CADPS2: variants seen among roughly 807,000 people sequenced by gnomAD.
CADPS2 encodes the protein calcium dependent secretion activator 2.
Under a neutral mutation model 172.5 loss-of-function variants are expected in CADPS2, and 93 were observed. That is an observed-to-expected ratio of 0.54 (90% CI 0.46 to 0.64). The LOEUF is 0.64. Among genes scored for constraint, CADPS2 ranks in the 30% least tolerant of loss-of-function variants. The probability of loss-of-function intolerance (pLI) is 0.00; values close to 1 mark genes in which losing one functional copy is unlikely to be tolerated. For missense variants in CADPS2, 1,420 were observed against 1,565.9 expected, an observed-to-expected ratio of 0.91 and a Z score of 1.57; for synonymous variants, 546 against 555.2, an observed-to-expected ratio of 0.98 and a Z score of 0.23.
chr7:122,856,885 A>G (rs1563186558), intron 1 of CADPS2, among the ~76,000 whole-genome samples: 2 of 152,236 alleles, frequency 1.3e-5, no homozygotes, highest in Non-Finnish European at 2.9e-5. Context: ...TATTCTTAGT[A>G]CTATATATAT....
intron 20 of CADPS2, among the ~76,000 whole-genome samples, chr7:122,399,371 A>C (rs1355433381): frequency 6.6e-6 from 1 of 152,140 alleles, no homozygotes; most frequent in African/African-American, 2.4e-5. Flanking sequence ...AGGATTTGTA[A>C]ATTGTAGGCA....
At chr7:122,387,484 T>G (rs1210262998) in intron 23 of CADPS2, among the ~76,000 whole-genome samples, 1 of 152,118 alleles carries the variant, frequency 6.6e-6, no homozygotes, top group African/African-American at 2.4e-5. Context: ...TAATTTCACT[T>G]AATTGTCTGA....
intron 3 of CADPS2, among the ~76,000 whole-genome samples, chr7:122,644,391 A>G (rs10257455): frequency 0.014 from 2,105 of 152,288 alleles, 46 homozygotes; most frequent in African/African-American, 0.047. Context: ...TTCTTGGAAG[A>G]TGACAAACCA....
At chr7:122,698,996 GA>G in intron 2 of CADPS2, 2 of 1,059,788 alleles carry the variant, frequency 1.9e-6, no homozygotes, top group Non-Finnish European at 2.7e-6. Context: ...ATAACGAAGA[GA>G]AAAAAATCTT....
intron 8 of CADPS2, among the ~76,000 whole-genome samples, chr7:122,525,155 C>T (rs550766535): frequency 1.3e-5 from 2 of 151,378 alleles, no homozygotes; most frequent in Non-Finnish European, 2.9e-5. Context: ...AAAAAAAATT[C>T]TTTAAAAAGT....
chr7:122,387,006 A>T lies in CADPS2; in HGVS notation c.3312+20T>A. ...AAGGCACCCTGTGCTGCCTTTCCCC[A>T]TGTGGCACATTCTACATACCTCTTG... On this transcript the variant is annotated intron_variant, in intron 24 of 29. Coordinates refer to ENST00000449022, the MANE Select transcript of CADPS2 (RefSeq NM_017954.11). 1.3e-6 allele frequency: 2 copies of T among 1,551,782 alleles called. No individual in the cohort carries two copies. Among genetic ancestry groups the T allele is most frequent in the Non-Finnish European group, 8.7e-7 (1 of 1,146,644 alleles).
At chr7:122,445,289 T>C (rs762518116) in intron 15 of CADPS2, among the ~76,000 whole-genome samples, 1 of 152,186 alleles carries the variant, frequency 6.6e-6, no homozygotes, top group Non-Finnish European at 1.5e-5. Flanking sequence ...TAGGTCAATT[T>C]AGAGAGAATT....
At chr7:122,385,914 T>C (rs1183414222) in intron 24 of CADPS2, among the ~76,000 whole-genome samples, 1 of 152,118 alleles carries the variant, frequency 6.6e-6, no homozygotes, top group Non-Finnish European at 1.5e-5. Flanking sequence ...AAGTATACTG[T>C]AGATAAATGC....
chr7:122,761,265 T>C (rs1254972344), intron 1 of CADPS2, among the ~76,000 whole-genome samples: 4 of 152,092 alleles, frequency 2.6e-5, no homozygotes, highest in Non-Finnish European at 4.4e-5. Context: ...ATACACAATG[T>C]TAAAAAGAAA....
intron 14 of CADPS2, among the ~76,000 whole-genome samples, chr7:122,465,275 A>G (rs550986585): frequency 6.6e-6 from 1 of 152,360 alleles, no homozygotes; most frequent in Admixed American, 6.5e-5. Flanking sequence ...TAACTTGCCC[A>G]AACTGACTCA....
chr7:122,553,241 C>G (rs1010469845), intron 8 of CADPS2, among the ~76,000 whole-genome samples: 1 of 152,088 alleles, frequency 6.6e-6, no homozygotes, highest in African/African-American at 2.4e-5. Context: ...TCCTATAGGC[C>G]TGCAATAATA....
In CADPS2 at chr7:122,490,090, C is replaced by G; in HGVS notation, c.1843G>C (p.Ala615Pro). The G allele has an allele frequency of 6.2e-7, 1 of 1,613,106 alleles. No individual in the cohort carries two copies. The highest frequency in any genetic ancestry group is 8.5e-7 in the Non-Finnish European group (1 of 1,179,380). Residue 615 changes from alanine to proline, a missense_variant, in exon 11 of 30, where the codon GCT becomes CCT. Physicochemically the swap from Ala to Pro is conservative, Grantham distance 27 (BLOSUM62 -1). Coordinates refer to ENST00000449022, the MANE Select transcript of CADPS2 (RefSeq NM_017954.11). ...NPKGGTLHADAQLSGKDADRF... is the reference protein window; with the variant it reads ...NPKGGTLHADPQLSGKDADRF... ...TTTTAACAAAACTTACAAAGCTGAG[C>G]ATCTGCATGGAGAGTTCCTCCTTTA...
chr7:122,635,857 C>T (rs1480653777), intron 3 of CADPS2, among the ~76,000 whole-genome samples: 1 of 152,126 alleles, frequency 6.6e-6, no homozygotes, highest in Non-Finnish European at 1.5e-5. Context: ...TTATGTAATG[C>T]CCTTCTTTGT....
intron 2 of CADPS2, among the ~76,000 whole-genome samples, chr7:122,727,542 T>G (rs1309026269): frequency 6.6e-6 from 1 of 151,724 alleles, no homozygotes; most frequent in African/African-American, 2.4e-5. Context: ...GCCACAAATT[T>G]GCTAAGTAGG....
At chr7:122,816,172 C>G (rs1801333733) in intron 1 of CADPS2, among the ~76,000 whole-genome samples, 1 of 151,356 alleles carries the variant, frequency 6.6e-6, no homozygotes, top group Non-Finnish European at 1.5e-5. Flanking sequence ...TTCCCCACCC[C>G]CACCCACCCC....
intron 29 of CADPS2, among the ~76,000 whole-genome samples, chr7:122,323,713 A>G (rs2033103511): frequency 6.6e-6 from 1 of 151,784 alleles, no homozygotes; most frequent in Admixed American, 6.6e-5. Flanking sequence ...TAACACCAGG[A>G]GGCTGAATAT....
chr7:122,424,195 G>T, intron 17 of CADPS2: 1 of 315,694 alleles, frequency 3.2e-6, no homozygotes, highest in Non-Finnish European at 4.6e-6. Context: ...GCTTCCTTTG[G>T]GACCAACTCA....
chr7:122,559,758 GAGAC>G (rs2065490328), intron 7 of CADPS2, among the ~76,000 whole-genome samples: 1 of 126,770 alleles, frequency 7.9e-6, no homozygotes, highest in Non-Finnish European at 1.6e-5. Context: ...GTGACAGTGC[GAGAC>G]TCCACCTCAA....
At chr7:122,526,606 G>C (rs1196422955) in intron 8 of CADPS2, among the ~76,000 whole-genome samples, 3 of 152,062 alleles carry the variant, frequency 2.0e-5, no homozygotes, top group African/African-American at 7.2e-5. Flanking sequence ...CACCCCATTT[G>C]TCCCACACAT....
Sources: allele counts gnomAD v4.1 joint callset (sites outside exome capture counted in the v4.1 genomes callset), GRCh38; gene constraint gnomAD v4.1.1; transcripts MANE v1.5; gene names NCBI Gene and HGNC (gene_info 2026-07-23, HGNC 2026-07-21).